Variants in SCAMP4 observed in about 807,000 individuals in gnomAD.
SCAMP4 encodes the protein secretory carrier-associated membrane protein 4.
In SCAMP4, 19 loss-of-function variants were observed where a neutral mutation model predicts 32.1. The ratio of observed to expected loss-of-function variants is 0.59; its 90% CI spans 0.41 to 0.87. The LOEUF is 0.87. Among genes scored for constraint, SCAMP4 ranks in the 40% least tolerant of loss-of-function variants. The pLI, the probability that SCAMP4 is intolerant of heterozygous loss-of-function variation, is 0.00. For synonymous variants in SCAMP4, 152 were observed against 132.7 expected (o/e 1.15, Z -1.00); for missense variants, 302 against 309.0 (o/e 0.98, Z 0.17).
At chr19:1,906,162 C>G (rs75357097) in intron 1 of SCAMP4, 1 of 151,784 alleles carries the variant, frequency 6.6e-6, no homozygotes, top group African/African-American at 2.4e-5. Flanking sequence ...GAGTTCGAGA[C>G]CAGCCTGTCT....
chr19:1,917,581 T>C (rs1174177163), intron 2 of SCAMP4, 113 bp from the exon 3 acceptor site: 10 of 1,193,190 alleles, frequency 8.4e-6, no homozygotes, highest in Non-Finnish European at 1.2e-5. Context: ...CAATCCCAAC[T>C]GCAGAGTCCC....
Position 1,913,011 on chromosome 19 carries a change from G to A in SCAMP4, c.-41-1968G>A, listed in dbSNP as rs748867878. The A allele has an allele frequency of 3.1e-5, 50 of 1,606,656 alleles. No individual in the cohort carries two copies. In the Admixed American group the frequency reaches 4.8e-4, roughly 16 times the overall value. On this transcript the variant is annotated intron_variant, in intron 1 of 6. Coordinates refer to ENST00000316097, the MANE Select transcript of SCAMP4 (RefSeq NM_079834.4). ...CCTGGTGCACGCACGCATCCTGCGC[G>A]TCTTCTACGGTGCGCCCTCGCCCGA...
At chr19:1,911,200 C>T (rs927486335) in intron 1 of SCAMP4, among the ~76,000 whole-genome samples, 1 of 151,074 alleles carries the variant, frequency 6.6e-6, no homozygotes, top group East Asian at 1.9e-4. Context: ...GAGATGGCAT[C>T]TTGCTCTGTC....
chr19:1,915,519 T>C (rs986698333), intron 2 of SCAMP4: 10 of 182,708 alleles, frequency 5.5e-5, no homozygotes, highest in Admixed American at 2.7e-4. Context: ...CCAAAGGCTG[T>C]GTTCCCATCT....
chr19:1,913,300 C>G, intron 1 of SCAMP4: 1 of 1,220,362 alleles, frequency 8.2e-7, no homozygotes, highest in Non-Finnish European at 1.1e-6. Context: ...TGCTGCCTTC[C>G]GTGCGGATCG....
intron 1 of SCAMP4, chr19:1,906,045 AGAAACAGAGGATCGACTCCGTG>A (rs2013096533): frequency 2.0e-5 from 3 of 152,396 alleles, no homozygotes; most frequent in African/African-American, 7.2e-5. Flanking sequence ...TAGGGTGGCC[AGAAACAGAGGATCGACTCCGTG>A]GAAACAAGGA....
At chr19:1,914,082 G>C (rs560356526) in intron 1 of SCAMP4, among the ~76,000 whole-genome samples, 90 of 152,338 alleles carry the variant, frequency 5.9e-4, no homozygotes, top group African/African-American at 1.8e-3. Context: ...GGAGTGAGGA[G>C]GTGGGAGCCG....
At chr19:1,912,512 C>G (rs866874255) in intron 1 of SCAMP4, 1 of 1,494,134 alleles carries the variant, frequency 6.7e-7, no homozygotes, top group African/African-American at 1.5e-5. Flanking sequence ...GGGGCCAGTT[C>G]GAGGAGGCCC....
intron 1 of SCAMP4, among the ~76,000 whole-genome samples, chr19:1,907,383 C>G (rs1156731832): frequency 7.2e-6 from 1 of 139,516 alleles, no homozygotes; most frequent in African/African-American, 2.9e-5. Flanking sequence ...TACCTGACAG[C>G]CCTGCCTTAA....
At chr19:1,918,014 A>G (rs1468675690) in intron 3 of SCAMP4, 113 bp from the exon 4 acceptor site, 4 of 1,421,142 alleles carry the variant, frequency 2.8e-6, no homozygotes, top group South Asian at 2.6e-5. Context: ...CATCCTCGAC[A>G]TGGGGTCACT....
Position 1,908,449 on chromosome 19 carries a change from C to T in SCAMP4, c.-42+3010C>T, listed in dbSNP as rs1159965020. The T allele has an allele frequency of 8.5e-6, 4 of 469,414 alleles. No individual in the cohort carries two copies. The East Asian group carries it at 2.8e-4, about 33-fold the overall frequency. 29.1% of individuals were successfully genotyped at this position (469,414 alleles called of 1,614,324 possible). A position where few individuals can be genotyped will look rare whatever the true frequency, so the allele number is the denominator to read the frequency against. On this transcript the variant is annotated intron_variant, in intron 1 of 6. Transcript: ENST00000316097. This position sits in a 1 kb window ranked among gnomAD's most constrained non-coding sequence, Gnocchi z 4.2. ...TGTCGAGGAGTAGCACCCACAGCTGCGCGGCTGCGAAATGATCCAGAGACA... is the reference window on the plus strand; with the variant it reads ...TGTCGAGGAGTAGCACCCACAGCTGTGCGGCTGCGAAATGATCCAGAGACA...
chr19:1,915,124 T>C, intron 2 of SCAMP4, 98 bp downstream of exon 2: 1 of 1,430,908 alleles, frequency 7.0e-7, no homozygotes, highest in Non-Finnish European at 9.8e-7. Flanking sequence ...TGGCAAACAG[T>C]GTCCTCCTGG....
intron 5 of SCAMP4, chr19:1,919,230 C>T: frequency 1.5e-6 from 2 of 1,369,680 alleles, no homozygotes; most frequent in East Asian, 2.9e-5. Context: ...CCGAGCTCGC[C>T]CTGGCAGTGC....
chr19:1,915,970 C>T (rs1465786524), intron 2 of SCAMP4, among the ~76,000 whole-genome samples: 3 of 138,234 alleles, frequency 2.2e-5, no homozygotes, highest in Admixed American at 7.5e-5. Context: ...ATGGTCCGGG[C>T]GTGGTGGCTC....
In SCAMP4 at chr19:1,918,886, C is replaced by T. The variant is rs1305428213; in HGVS notation, c.294-3C>T. The T allele has an allele frequency of 1.2e-6, 2 of 1,602,038 alleles. No homozygotes were observed. The highest frequency in any genetic ancestry group is 2.2e-5 in the East Asian group (1 of 44,522). ...AACCGTCGTGTTTTCTGTCCCTCCC[C>T]AGAGCCGACAGCTCCTTTAATTTCA... On this transcript the variant is annotated splice_region_variant and splice_polypyrimidine_tract_variant and intron_variant, in intron 4 of 6. Transcript: ENST00000316097.
intron 5 of SCAMP4, chr19:1,921,201 G>C (rs541651508): frequency 4.1e-6 from 4 of 984,926 alleles, no homozygotes; most frequent in Non-Finnish European, 4.8e-6. Context: ...CTTCACCAGC[G>C]CCACCTCCCC....
chr19:1,912,369 ATGC>A (rs1568764391), intron 1 of SCAMP4: 1 of 1,525,820 alleles, frequency 6.6e-7, no homozygotes, highest in East Asian at 2.6e-5. Flanking sequence ...CGCCCTGGAG[ATGC>A]TGCTTTGCCT....
chr19:1,924,322 C>T lies in SCAMP4; in HGVS notation c.*38C>T, dbSNP rs2014031080. 1 of 1,530,690 alleles carries T rather than the reference C, an allele frequency of 6.5e-7. No homozygotes were observed. Among genetic ancestry groups the T allele is most frequent in the Non-Finnish European group, 8.8e-7 (1 of 1,134,428 alleles). The allele number at this position is 1,530,690 out of a possible 1,614,324, so 94.8% of individuals were successfully genotyped here. On this transcript the variant is annotated 3_prime_UTR_variant, in exon 7 of 7. Transcript: ENST00000316097. ...CTGCCCCCACCGCCCACCACCTCCT[C>T]CCCTTCATTCCTGCTGCTACCCCTG...
intron 1 of SCAMP4, 194 bp downstream of exon 1, chr19:1,905,633 TGCGCGCGCGCGCGCG>T (rs2013067440): frequency 6.3e-6 from 1 of 158,980 alleles, no homozygotes; most frequent in African/African-American, 2.5e-5. Context: ...CGAATGCGCG[TGCGCGCGCGCGCGCG>T]GCGCTGGCCT....
Sources: allele counts gnomAD v4.1 joint callset (sites outside exome capture counted in the v4.1 genomes callset), GRCh38; gene constraint gnomAD v4.1.1; non-coding constraint Gnocchi (gnomAD v3.1); transcripts MANE v1.5; gene names NCBI Gene and HGNC (gene_info 2026-07-23, HGNC 2026-07-21).